LTBP1: variants seen among roughly 807,000 people sequenced by gnomAD.
The protein encoded by LTBP1 is latent-transforming growth factor beta-binding protein 1.
Under a neutral mutation model 207.6 loss-of-function variants are expected in LTBP1, and 129 were observed. The observed-to-expected ratio is 0.62, with a 90% confidence interval of 0.54 to 0.72. LTBP1 has a LOEUF of 0.72. Among genes scored for constraint, LTBP1 ranks in the 30% least tolerant of loss-of-function variants. The probability of loss-of-function intolerance (pLI) is 0.00; values close to 1 mark genes in which losing one functional copy is unlikely to be tolerated. For missense variants in LTBP1, 2,281 were observed against 2,217.2 expected (o/e 1.03, Z -0.58); for synonymous variants, 963 against 833.7 (o/e 1.16, Z -2.67).
intron 3 of LTBP1, among the ~76,000 whole-genome samples, chr2:33,069,464 G>A (rs572146035): frequency 6.6e-6 from 1 of 152,354 alleles, no homozygotes; most frequent in African/African-American, 2.4e-5. Context: ...AGGGCAACAA[G>A]CAAGTCTGAG....
intron 3 of LTBP1, among the ~76,000 whole-genome samples, chr2:33,048,077 C>T (rs901681314): frequency 6.6e-6 from 1 of 152,000 alleles, no homozygotes; most frequent in African/African-American, 2.4e-5. Context: ...AAATTAAGAG[C>T]CGTAGCATTG....
chr2:33,087,905 A>G lies in LTBP1; in HGVS notation c.864-22677A>G, dbSNP rs148774384. 4.9e-3 allele frequency among the ~76,000 whole-genome samples: 751 copies of G among 152,338 alleles called. 4 individuals carry two copies. Among genetic ancestry groups the G allele is most frequent in the Middle Eastern group, 0.024 (7 of 294 alleles). ...TGGATTTGACTTAAACATACAATGT[A>G]TGGTGTCAGAGTAAAGATTAGGGCT... On this transcript the variant is annotated intron_variant, in intron 3 of 33. Transcript: ENST00000404816.
chr2:32,978,390 G>T (rs1042614434), intron 2 of LTBP1, among the ~76,000 whole-genome samples: 5 of 151,936 alleles, frequency 3.3e-5, no homozygotes, highest in African/African-American at 7.3e-5. Context: ...ATACCCAGTT[G>T]TTTGAGTGCT....
intron 5 of LTBP1, among the ~76,000 whole-genome samples, chr2:33,178,043 A>G (rs1439627053): frequency 2.0e-5 from 3 of 152,200 alleles, no homozygotes; most frequent in African/African-American, 4.8e-5. Flanking sequence ...CAGGGATGGA[A>G]AGGAACCTGT....
intron 2 of LTBP1, among the ~76,000 whole-genome samples, chr2:32,965,656 G>A (rs28814396): frequency 0.029 from 4,423 of 152,196 alleles, 207 homozygotes; most frequent in African/African-American, 0.099. Flanking sequence ...TGGCTTGATA[G>A]CACGTGTCTT....
intron 7 of LTBP1, among the ~76,000 whole-genome samples, chr2:33,212,202 T>A (rs763384421): frequency 3.9e-5 from 6 of 152,242 alleles, no homozygotes; most frequent in Non-Finnish European, 7.3e-5. Flanking sequence ...GTTGAAAAGT[T>A]ATTTTCATGC....
intron 5 of LTBP1, among the ~76,000 whole-genome samples, chr2:33,170,542 C>A (rs1363617562): frequency 6.6e-6 from 1 of 151,856 alleles, no homozygotes; most frequent in East Asian, 1.9e-4. Flanking sequence ...TCAAGGAGGC[C>A]TGCCTGCCTG....
At position 32,994,757 on chromosome 2, in the gene LTBP1, G is replaced by A. The variant is rs1468795787; in HGVS notation, c.566-26152G>A. Reference sequence around the variant, plus strand: ...GCTGGGATTACAGGCGTGAGCCACCGCGCCTGGCCACATTAGTGATTCTTA... The same window carrying A: ...GCTGGGATTACAGGCGTGAGCCACCACGCCTGGCCACATTAGTGATTCTTA... On this transcript the variant is annotated intron_variant, in intron 2 of 33. Transcript: ENST00000404816. Among the ~76,000 whole-genome samples the A allele has an allele frequency of 3.3e-5, 5 of 152,266 alleles. No individual in the cohort carries two copies. In the Middle Eastern group the frequency reaches 0.01, roughly 313 times the overall value.
intron 4 of LTBP1, among the ~76,000 whole-genome samples, chr2:33,118,489 G>A (rs966995756): frequency 6.6e-6 from 1 of 152,232 alleles, no homozygotes; most frequent in Non-Finnish European, 1.5e-5. Flanking sequence ...CCTTGAGCCA[G>A]TTTCCCAACT....
chr2:33,241,070 A>G (rs2092305702), intron 9 of LTBP1, among the ~76,000 whole-genome samples: 2 of 152,232 alleles, frequency 1.3e-5, no homozygotes, highest in African/African-American at 4.8e-5. Context: ...TATAGGAAAC[A>G]GAAATCTAAT....
chr2:33,399,454 T>C lies in LTBP1; in HGVS notation c.*909T>C, dbSNP rs2095386703. The stretch of plus-strand genomic sequence containing the variant: ...ATCTTTTCCAGTGGTCTTCTGTTAA[T>C]GTAGTGTCTTTTACAAGTTAATCAT... On this transcript the variant is annotated 3_prime_UTR_variant, in exon 34 of 34. Coordinates refer to ENST00000404816, the MANE Select transcript of LTBP1 (RefSeq NM_206943.4). 1 of 152,258 alleles carries C rather than the reference T, an allele frequency of 6.6e-6. No individual in the cohort carries two copies. The highest frequency in any genetic ancestry group is 6.5e-5 in the Admixed American group (1 of 15,280). 9.4% of individuals were successfully genotyped at this position (152,258 alleles called of 1,614,324 possible).
At chr2:33,200,793 A>G (rs1197596651) in intron 7 of LTBP1, among the ~76,000 whole-genome samples, 1 of 151,958 alleles carries the variant, frequency 6.6e-6, no homozygotes, top group Non-Finnish European at 1.5e-5. Flanking sequence ...AAAAACAAAC[A>G]ACCCCATCAA....
chr2:33,388,143 GCATTGAAAC>G (rs1257427817), intron 31 of LTBP1, among the ~76,000 whole-genome samples: 1 of 152,198 alleles, frequency 6.6e-6, no homozygotes, highest in Non-Finnish European at 1.5e-5. Context: ...ATCATGAAAA[GCATTGAAAC>G]CTCAGTAACC....
intron 7 of LTBP1, among the ~76,000 whole-genome samples, chr2:33,215,462 A>G (rs1336775011): frequency 1.3e-5 from 2 of 152,236 alleles, no homozygotes; most frequent in Non-Finnish European, 2.9e-5. Context: ...GCTATGATGT[A>G]ACTAAAACTT....
chr2:33,363,443 T>G lies in LTBP1; in HGVS notation c.4324T>G (p.Leu1442Val). ...AGAAATCTGCAAAAATGGTTTCTGT[T>G]TGAACACTCGGCCTGGGTATGAATG... ...GQEICKNGFC[L>V]NTRPGYECYC... is the part of the protein sequence containing the mutation. The change falls in exon 29 of 34, where the codon TTG becomes GTG. Residue 1442 changes from leucine (L) to valine (V), a missense_variant. Leu to Val is a conservative substitution (Grantham distance 32). Around this residue, in one of 3 missense-constraint regions of LTBP1, gnomAD observed 1,671 missense variants for 1,634.8 expected, o/e 1.02. Coordinates refer to ENST00000404816, the MANE Select transcript of LTBP1 (RefSeq NM_206943.4). The G allele has an allele frequency of 6.2e-7, 1 of 1,613,964 alleles. No homozygotes were observed. The highest frequency in any genetic ancestry group is 8.5e-7 in the Non-Finnish European group (1 of 1,179,848).
At chr2:33,383,713 T>G (rs1261504147) in intron 31 of LTBP1, among the ~76,000 whole-genome samples, 1 of 152,120 alleles carries the variant, frequency 6.6e-6, no homozygotes, top group Non-Finnish European at 1.5e-5. Context: ...TTTGAATATT[T>G]TTTTGTGGAG....
At chr2:33,335,617 C>A (rs2094545698) in intron 24 of LTBP1, among the ~76,000 whole-genome samples, 1 of 152,158 alleles carries the variant, frequency 6.6e-6, no homozygotes. Context: ...TTGTGCTCAT[C>A]TTCCGCTTAA....
chr2:33,359,485 G>C (rs762682590), intron 26 of LTBP1, among the ~76,000 whole-genome samples: 2 of 152,052 alleles, frequency 1.3e-5, no homozygotes, highest in Non-Finnish European at 2.9e-5. Context: ...TCAAAACAAA[G>C]GTAAGTGTAA....
intron 2 of LTBP1, among the ~76,000 whole-genome samples, chr2:33,000,197 T>G (rs1685894059): frequency 7.4e-6 from 1 of 135,512 alleles, no homozygotes; most frequent in South Asian, 2.6e-4. Context: ...GCTCCAGGCC[T>G]TGCCCCAGCT....
Sources: allele counts gnomAD v4.1 joint callset (sites outside exome capture counted in the v4.1 genomes callset), GRCh38; gene constraint gnomAD v4.1.1; regional missense constraint gnomAD v4.1.1; transcripts MANE v1.5; gene names NCBI Gene and HGNC (gene_info 2026-07-23, HGNC 2026-07-21).